Variants in ZNF385D observed in about 807,000 individuals in gnomAD.
ZNF385D encodes the protein zinc finger protein 385D.
ZNF385D carries 15 observed loss-of-function variants against 35.8 expected under a neutral mutation model. The observed-to-expected ratio is 0.42, with a 90% confidence interval of 0.28 to 0.64. ZNF385D has a LOEUF of 0.64. Among genes scored for constraint, ZNF385D ranks in the 30% least tolerant of loss-of-function variants. ZNF385D has a pLI of 0.23. For synonymous variants in ZNF385D, 212 were observed against 186.8 expected (o/e 1.13, Z -1.10); for missense variants, 474 against 494.6 (o/e 0.96, Z 0.39).
chr3:21,728,085 A>T (rs11129018), intron 1 of ZNF385D, among the ~76,000 whole-genome samples: 1 of 151,768 alleles, frequency 6.6e-6, no homozygotes. Flanking sequence ...GAGTTGAACA[A>T]TGAGAACACA....
intron 2 of ZNF385D, among the ~76,000 whole-genome samples, chr3:22,283,048 A>G (rs1435188979): frequency 1.3e-5 from 2 of 152,064 alleles, no homozygotes; most frequent in Non-Finnish European, 2.9e-5. Flanking sequence ...TTTATATCAG[A>G]AAAAAAATTT....
chr3:22,149,292 C>T (rs917305016), intron 3 of ZNF385D, among the ~76,000 whole-genome samples: 4 of 152,080 alleles, frequency 2.6e-5, no homozygotes, highest in Non-Finnish European at 5.9e-5. Flanking sequence ...CTGATTGTAG[C>T]ATTTAACAAG....
At chr3:21,993,491 C>G (rs1294651884) in intron 3 of ZNF385D, among the ~76,000 whole-genome samples, 1 of 152,252 alleles carries the variant, frequency 6.6e-6, no homozygotes, top group South Asian at 2.1e-4. Context: ...GCACATTTAA[C>G]TATCACTTCC....
intron 2 of ZNF385D, among the ~76,000 whole-genome samples, chr3:22,231,172 A>G (rs1698867130): frequency 6.6e-6 from 1 of 152,152 alleles, no homozygotes; most frequent in African/African-American, 2.4e-5. Flanking sequence ...AAAAAGTGCA[A>G]TTGTTAACAG....
chr3:22,279,603 TATATAC>T (rs984968659), intron 2 of ZNF385D, among the ~76,000 whole-genome samples: 3 of 142,796 alleles, frequency 2.1e-5, no homozygotes, highest in Admixed American at 7.1e-5. Flanking sequence ...CATATATATG[TATATAC>T]ATATACATAT....
At chr3:22,127,255 C>T (rs78180482) in intron 3 of ZNF385D, among the ~76,000 whole-genome samples, 2,696 of 148,208 alleles carry the variant, frequency 0.018, 95 homozygotes, top group African/African-American at 0.062. Context: ...TTTCTTCCTT[C>T]CTTCTGTCCT....
intron 3 of ZNF385D, among the ~76,000 whole-genome samples, chr3:21,811,236 C>G (rs929081284): frequency 2.6e-5 from 4 of 152,010 alleles, no homozygotes; most frequent in Admixed American, 2.6e-4. Context: ...GCAAGACAAG[C>G]ACAGCAGCAA....
At chr3:21,603,249 T>C (rs1235611365) in intron 2 of ZNF385D, among the ~76,000 whole-genome samples, 1 of 152,234 alleles carries the variant, frequency 6.6e-6, no homozygotes. Context: ...GCTAAGAAGG[T>C]GAGGCAACAG....
chr3:22,089,611 A>G (rs1216146635), intron 3 of ZNF385D, among the ~76,000 whole-genome samples: 1 of 152,118 alleles, frequency 6.6e-6, no homozygotes, highest in Non-Finnish European at 1.5e-5. Flanking sequence ...TTTGCTATTC[A>G]GTGAGCCATG....
intron 2 of ZNF385D, among the ~76,000 whole-genome samples, chr3:21,642,630 T>C (rs1575382753): frequency 1.3e-5 from 2 of 152,248 alleles, no homozygotes; most frequent in East Asian, 3.9e-4. Context: ...AAGTGGTGAC[T>C]CAGACATATA....
chr3:22,208,622 CTCA>C (rs889934420), intron 2 of ZNF385D, among the ~76,000 whole-genome samples: 3 of 151,522 alleles, frequency 2.0e-5, no homozygotes, highest in Admixed American at 6.6e-5. Flanking sequence ...CTCATTTCCC[CTCA>C]TGTGATTATT....
chr3:21,577,620 C>G (rs1276786415), intron 2 of ZNF385D, among the ~76,000 whole-genome samples: 1 of 152,052 alleles, frequency 6.6e-6, no homozygotes, highest in Non-Finnish European at 1.5e-5. Context: ...AATTTACATT[C>G]CCACCAACAG....
Position 21,542,537 on chromosome 3 carries a change from T to G in ZNF385D, c.276+22037A>C, listed in dbSNP as rs566569810. ...TAATTTTTTAAGATTTTTGGAGAGATAGTCTTGCTGTGTTGCCCAGGCTGC... is the reference window on the plus strand; with the variant it reads ...TAATTTTTTAAGATTTTTGGAGAGAGAGTCTTGCTGTGTTGCCCAGGCTGC... On this transcript the variant is annotated intron_variant, in intron 3 of 7. Transcript: ENST00000281523. Among the ~76,000 whole-genome samples the G allele has an allele frequency of 7.9e-5, 12 of 152,174 alleles. No homozygotes were observed. The South Asian group carries it at 1.0e-3, about 13-fold the overall frequency.
intron 3 of ZNF385D, among the ~76,000 whole-genome samples, chr3:21,946,690 G>A (rs1278164183): frequency 6.6e-6 from 1 of 152,010 alleles, no homozygotes; most frequent in Admixed American, 6.6e-5. Flanking sequence ...ATATTAGCCA[G>A]GTGTGGTAGC....
intron 1 of ZNF385D, among the ~76,000 whole-genome samples, chr3:21,717,469 G>C (rs2068368726): frequency 6.6e-6 from 1 of 152,188 alleles, no homozygotes; most frequent in Non-Finnish European, 1.5e-5. Flanking sequence ...GTGCTTAATA[G>C]TTCTGCCAAT....
At chr3:21,825,247 G>A (rs1181627887) in intron 3 of ZNF385D, among the ~76,000 whole-genome samples, 3 of 152,132 alleles carry the variant, frequency 2.0e-5, no homozygotes, top group African/African-American at 2.4e-5. Flanking sequence ...TGAGATCCAG[G>A]TGAAACCCCC....
chr3:21,941,625 G>A (rs1291614253), intron 3 of ZNF385D, among the ~76,000 whole-genome samples: 1 of 150,690 alleles, frequency 6.6e-6, no homozygotes, highest in East Asian at 2.0e-4. Context: ...AGCCTCCCGA[G>A]TAACTGGGAC....
At chr3:21,612,881 T>A (rs1248096852) in intron 2 of ZNF385D, among the ~76,000 whole-genome samples, 1 of 152,110 alleles carries the variant, frequency 6.6e-6, no homozygotes. Context: ...TAAAACACCT[T>A]AAATGAAGAA....
At chr3:22,160,531 G>C (rs1705876129) in intron 3 of ZNF385D, among the ~76,000 whole-genome samples, 1 of 152,012 alleles carries the variant, frequency 6.6e-6, no homozygotes, top group Non-Finnish European at 1.5e-5. Flanking sequence ...AAAATCTTCT[G>C]ACACTTTAAA....
Sources: allele counts gnomAD v4.1 joint callset (sites outside exome capture counted in the v4.1 genomes callset), GRCh38; gene constraint gnomAD v4.1.1; transcripts MANE v1.5; gene names NCBI Gene and HGNC (gene_info 2026-07-23, HGNC 2026-07-21).